CHST9: variants seen among roughly 807,000 people sequenced by gnomAD.
CHST9 encodes the protein carbohydrate sulfotransferase 9, also known as GalNAc-4-sulfotransferase 2.
In CHST9, 41 loss-of-function variants were observed where a neutral mutation model predicts 44.4. That is an observed-to-expected ratio of 0.92 (90% CI 0.72 to 1.20). The LOEUF (loss-of-function observed/expected upper bound fraction) is 1.20. Among genes scored for constraint, CHST9 ranks in the 50% most tolerant of loss-of-function variants. The pLI, the probability that CHST9 is intolerant of heterozygous loss-of-function variation, is 0.00. For synonymous variants in CHST9, 171 were observed against 178.4 expected (o/e 0.96, Z 0.33); for missense variants, 504 against 516.5 (o/e 0.98, Z 0.23).
chr18:26,962,893 C>A (rs529064343), intron 4 of CHST9, among the ~76,000 whole-genome samples: 2 of 152,270 alleles, frequency 1.3e-5, no homozygotes, highest in African/African-American at 2.4e-5. Flanking sequence ...TCAGGTGGAA[C>A]AAACTCAAGA....
chr18:26,983,631 T>C (rs1387646359), intron 4 of CHST9, among the ~76,000 whole-genome samples: 1 of 152,204 alleles, frequency 6.6e-6, no homozygotes, highest in Non-Finnish European at 1.5e-5. Flanking sequence ...TATTTCTTTA[T>C]AGCAATGCAA....
intron 2 of CHST9, among the ~76,000 whole-genome samples, chr18:27,053,271 AAGGAGAAGGAGAAGG>A (rs2057605892): frequency 1.6e-4 from 19 of 121,598 alleles, no homozygotes; most frequent in African/African-American, 6.0e-4. Context: ...GGAGAAGGAG[AAGGAGAAGGAGAAGG>A]AGAAGGAGAA....
chr18:26,909,729 G>A lies in CHST9; in HGVS notation c.*6530C>T, dbSNP rs2055414288. ...AAAAGTCGTAGTTATCCCTTCTCCT[G>A]TTTTCTCCACCTCTCTAAGTATAGA... is the stretch of plus-strand genomic sequence containing the variant. On this transcript the variant is annotated 3_prime_UTR_variant, in exon 6 of 6. Coordinates refer to ENST00000618847, the MANE Select transcript of CHST9 (RefSeq NM_031422.6). 1 of 152,122 alleles carries A rather than the reference G, an allele frequency of 6.6e-6. No individual in the cohort carries two copies. The highest frequency in any genetic ancestry group is 1.5e-5 in the Non-Finnish European group (1 of 68,050). 9.4% of individuals were successfully genotyped at this position (152,122 alleles called of 1,614,324 possible).
chr18:27,093,997 T>TA (rs1319248931), intron 2 of CHST9, among the ~76,000 whole-genome samples: 1 of 152,114 alleles, frequency 6.6e-6, no homozygotes, highest in Non-Finnish European at 1.5e-5. Flanking sequence ...AGAATCAAAG[T>TA]AAAAAACCAT....
At chr18:27,146,911 C>T (rs1019396039) in intron 1 of CHST9, among the ~76,000 whole-genome samples, 1 of 152,126 alleles carries the variant, frequency 6.6e-6, no homozygotes, top group Non-Finnish European at 1.5e-5. Flanking sequence ...TTCATTCTGT[C>T]ATCTCTTTTC....
At chr18:27,161,424 A>G (rs897755499) in intron 1 of CHST9, among the ~76,000 whole-genome samples, 27 of 152,054 alleles carry the variant, frequency 1.8e-4, no homozygotes, top group African/African-American at 6.5e-4. Flanking sequence ...AGCAGTTTTG[A>G]GCGAGTTTCT....
Position 26,962,451 on chromosome 18 carries a change from C to T in CHST9, c.203-18085G>A, listed in dbSNP as rs532428224. 3.9e-5 allele frequency among the ~76,000 whole-genome samples: 6 copies of T among 152,060 alleles called. No homozygotes were observed. In the East Asian group the frequency reaches 7.8e-4, roughly 20 times the overall value. On this transcript the variant is annotated intron_variant, in intron 4 of 5. Coordinates refer to ENST00000618847, the MANE Select transcript of CHST9 (RefSeq NM_031422.6). ...GACTACAGGCATCTGCCACCATGCC[C>T]GGCTAGTTTTTGTATTTTTAGTAGA...
chr18:27,034,088 C>G (rs954522807), intron 3 of CHST9, among the ~76,000 whole-genome samples: 7 of 152,228 alleles, frequency 4.6e-5, no homozygotes, highest in African/African-American at 1.4e-4. Context: ...AGCATCATTG[C>G]TTTGGTAGCT....
chr18:27,031,502 T>C (rs2057340379), intron 3 of CHST9, among the ~76,000 whole-genome samples: 1 of 152,222 alleles, frequency 6.6e-6, no homozygotes, highest in Non-Finnish European at 1.5e-5. Flanking sequence ...GCCAAGGTCC[T>C]TAGCACATCA....
intron 4 of CHST9, among the ~76,000 whole-genome samples, chr18:26,972,381 AG>A (rs1344762830): frequency 2.6e-4 from 38 of 145,804 alleles, no homozygotes; most frequent in South Asian, 6.6e-4. Context: ...AAAAAAAAAA[AG>A]GAAGAAAAAA....
chr18:27,108,374 A>C (rs184602490), intron 2 of CHST9, among the ~76,000 whole-genome samples: 220 of 152,354 alleles, frequency 1.4e-3, no homozygotes, highest in African/African-American at 4.8e-3. Context: ...ATTATTGTAT[A>C]GCAATAAGCA....
chr18:26,998,903 C>G (rs16943144), intron 4 of CHST9, among the ~76,000 whole-genome samples: 23,908 of 152,144 alleles, frequency 0.16, 2,079 homozygotes, highest in East Asian at 0.26. Flanking sequence ...AGGCCACGCT[C>G]TTTCCCTCAG....
At chr18:26,943,866 C>T (rs546110854) in intron 5 of CHST9, among the ~76,000 whole-genome samples, 2 of 152,124 alleles carry the variant, frequency 1.3e-5, no homozygotes, top group Non-Finnish European at 2.9e-5. Flanking sequence ...AAACAAAAGA[C>T]CAGAATGGAA....
At chr18:27,103,412 A>C (rs1430068029) in intron 2 of CHST9, among the ~76,000 whole-genome samples, 1 of 152,162 alleles carries the variant, frequency 6.6e-6, no homozygotes, top group African/African-American at 2.4e-5. Flanking sequence ...CCTGGCCTCA[A>C]GGTGTGGAAG....
intron 3 of CHST9, among the ~76,000 whole-genome samples, chr18:27,029,068 G>A (rs1329828999): frequency 6.6e-6 from 1 of 152,126 alleles, no homozygotes. Context: ...CTCCCATTAT[G>A]CGTTAGGACA....
intron 2 of CHST9, among the ~76,000 whole-genome samples, chr18:27,081,449 A>T (rs1183503180): frequency 6.6e-6 from 1 of 152,204 alleles, no homozygotes; most frequent in Non-Finnish European, 1.5e-5. Flanking sequence ...AGAACAGGAA[A>T]AGTGCTCCCC....
rs372933723 is a variant in CHST9 at position 27,086,643 on chromosome 18, G to A, written c.122-38140C>T. Among the ~76,000 whole-genome samples the A allele has an allele frequency of 1.3e-3, 198 of 152,162 alleles. 1 individual carries two copies. Among genetic ancestry groups the A allele is most frequent in the Non-Finnish European group, 2.4e-3 (161 of 67,974 alleles). ...AATCTAGCTTATTTGATTCTACAGC[G>A]GGAGTGCTTAATATGAAACTAAAAC... On this transcript the variant is annotated intron_variant, in intron 2 of 5. Transcript: ENST00000618847.
intron 2 of CHST9, among the ~76,000 whole-genome samples, chr18:27,100,916 A>G (rs2058165034): frequency 1.3e-5 from 2 of 152,308 alleles, no homozygotes; most frequent in South Asian, 2.1e-4. Flanking sequence ...GGCATTTCCT[A>G]TTGGTTGGGA....
chr18:27,116,174 T>C (rs567669406), intron 2 of CHST9, among the ~76,000 whole-genome samples: 20 of 152,308 alleles, frequency 1.3e-4, no homozygotes, highest in Non-Finnish European at 2.8e-4. Context: ...TTTTGTTGCT[T>C]GTGATTTTGG....
Sources: gnomAD v4.1 joint callset for allele counts (sites outside exome capture counted in the v4.1 genomes callset) on GRCh38, gnomAD v4.1.1 for gene constraint, MANE v1.5 for transcripts, NCBI Gene and HGNC (gene_info 2026-07-23, HGNC 2026-07-21) for gene names.